PIBF1: variants seen among roughly 807,000 people sequenced by gnomAD.
PIBF1 encodes the protein progesterone immunomodulatory binding factor 1.
Under a neutral mutation model 112.5 loss-of-function variants are expected in PIBF1, and 90 were observed. That is an observed-to-expected ratio of 0.80 (90% CI 0.67 to 0.95). The LOEUF is 0.95. Ranked by LOEUF, PIBF1 falls within the 40% of genes least tolerant of loss-of-function variation. PIBF1 has a pLI of 0.00. For missense variants in PIBF1, 915 were observed against 852.3 expected (o/e 1.07, Z -0.92); for synonymous variants, 301 against 288.6 (o/e 1.04, Z -0.44).
intron 16 of PIBF1, among the ~76,000 whole-genome samples, chr13:72,995,888 G>T (rs1469819203): frequency 6.6e-6 from 1 of 151,268 alleles, no homozygotes; most frequent in Non-Finnish European, 1.5e-5. Context: ...GGCGGAGATT[G>T]CAGTGAGCCG....
At chr13:72,972,724 AT>A (rs1290423625) in intron 15 of PIBF1, among the ~76,000 whole-genome samples, 1 of 152,190 alleles carries the variant, frequency 6.6e-6, no homozygotes, top group African/African-American at 2.4e-5. Context: ...ACCCTCACAA[AT>A]TTTGTCTTTT....
intron 13 of PIBF1, among the ~76,000 whole-genome samples, chr13:72,927,428 C>T (rs139686046): frequency 0.012 from 1,791 of 151,892 alleles, 19 homozygotes; most frequent in Non-Finnish European, 0.019. Context: ...GGCGCGAACC[C>T]GGGAGGCGGA....
chr13:72,980,569 C>CAGAT (rs2043132121), intron 16 of PIBF1, among the ~76,000 whole-genome samples: 1 of 151,770 alleles, frequency 6.6e-6, no homozygotes. Flanking sequence ...CTGAGGCAGA[C>CAGAT]AGATCACTTG....
At chr13:72,868,828 T>TAA (rs56290400) in intron 10 of PIBF1, among the ~76,000 whole-genome samples, 29 of 114,232 alleles carry the variant, frequency 2.5e-4, no homozygotes, top group African/African-American at 7.6e-4. Flanking sequence ...TCCCAAAAAG[T>TAA]AAAAAAAAAA....
chr13:72,976,121 G>A (rs2043015036), intron 16 of PIBF1, among the ~76,000 whole-genome samples: 1 of 152,056 alleles, frequency 6.6e-6, no homozygotes, highest in Admixed American at 6.6e-5. Context: ...AGCAGAGCTG[G>A]GCACAGTGTC....
intron 14 of PIBF1, among the ~76,000 whole-genome samples, chr13:72,962,996 G>T (rs2042645988): frequency 6.6e-6 from 1 of 152,180 alleles, no homozygotes; most frequent in South Asian, 2.1e-4. Flanking sequence ...TATATGGCCA[G>T]TCGTTTTCAA....
intron 2 of PIBF1, among the ~76,000 whole-genome samples, chr13:72,784,082 C>G (rs953570646): frequency 6.6e-6 from 1 of 151,322 alleles, no homozygotes; most frequent in Non-Finnish European, 1.5e-5. Flanking sequence ...GTTAAGTGTT[C>G]TCATTACTAA....
chr13:72,990,852 A>T (rs1227112591), intron 16 of PIBF1, among the ~76,000 whole-genome samples: 2 of 152,218 alleles, frequency 1.3e-5, no homozygotes, highest in Admixed American at 6.5e-5. Flanking sequence ...CATCTCAAAT[A>T]AATTAATTAA....
Position 72,893,081 on chromosome 13 carries a change from C to T in PIBF1, c.1323-703C>T, listed in dbSNP as rs186919271. 1.8e-3 allele frequency among the ~76,000 whole-genome samples: 269 copies of T among 152,154 alleles called. 1 individual carries two copies. The highest frequency in any genetic ancestry group is 2.9e-3 in the Non-Finnish European group (197 of 68,008). On this transcript the variant is annotated intron_variant, in intron 10 of 17. Coordinates refer to ENST00000326291, the MANE Select transcript of PIBF1 (RefSeq NM_006346.4). ...CATTATACTTGGTTCATAATAACTC[C>T]CTGAAAAGATACAGTGTATGTGTAT... is the stretch of plus-strand genomic sequence containing the variant.
chr13:72,972,293 A>G (rs1217574707), intron 15 of PIBF1, among the ~76,000 whole-genome samples: 1 of 152,002 alleles, frequency 6.6e-6, no homozygotes, highest in Non-Finnish European at 1.5e-5. Context: ...CGATCTCCCA[A>G]AGTGCTAGGA....
chr13:72,978,514 C>T (rs1196520489), intron 16 of PIBF1, among the ~76,000 whole-genome samples: 1 of 152,166 alleles, frequency 6.6e-6, no homozygotes, highest in Non-Finnish European at 1.5e-5. Flanking sequence ...AAATTTTTGC[C>T]TCTGGGCGTG....
chr13:72,830,208 A>G (rs1234306929), intron 8 of PIBF1, among the ~76,000 whole-genome samples: 1 of 152,190 alleles, frequency 6.6e-6, no homozygotes, highest in Non-Finnish European at 1.5e-5. Flanking sequence ...ATATACAATC[A>G]TGTCATCAAC....
At chr13:72,829,906 C>T (rs907363414) in intron 8 of PIBF1, among the ~76,000 whole-genome samples, 13 of 152,064 alleles carry the variant, frequency 8.5e-5, no homozygotes, top group African/African-American at 2.4e-4. Flanking sequence ...TCTTCCTATC[C>T]GTGAGCATGG....
chr13:72,809,843 CCTCT>C (rs962078381), intron 5 of PIBF1, among the ~76,000 whole-genome samples: 4 of 152,128 alleles, frequency 2.6e-5, no homozygotes, highest in African/African-American at 2.4e-5. Context: ...CCTGCCCTGG[CCTCT>C]CTAAGTGCTG....
chr13:72,893,705 CAT>C, intron 10 of PIBF1, 77 bp from the exon 11 acceptor site: 6 of 826,490 alleles, frequency 7.3e-6, no homozygotes, highest in Non-Finnish European at 8.8e-6. Context: ...GAGTAGAAAA[CAT>C]AGAAGTAAGG....
chr13:73,006,158 A>T (rs527921537), intron 17 of PIBF1, among the ~76,000 whole-genome samples: 1 of 152,174 alleles, frequency 6.6e-6, no homozygotes, highest in African/African-American at 2.4e-5. Context: ...ACCTCAAGTG[A>T]TCTGCCCACC....
intron 10 of PIBF1, among the ~76,000 whole-genome samples, chr13:72,864,969 A>G (rs2038860807): frequency 6.6e-6 from 1 of 152,166 alleles, no homozygotes; most frequent in South Asian, 2.1e-4. Context: ...CTGCTTCTAA[A>G]TTATACTTCA....
At chr13:72,882,038 A>G (rs1466734559) in intron 10 of PIBF1, among the ~76,000 whole-genome samples, 1 of 152,148 alleles carries the variant, frequency 6.6e-6, no homozygotes, top group Non-Finnish European at 1.5e-5. Flanking sequence ...ACTTCAAAAT[A>G]TACTACAGTG....
At chr13:72,935,677 C>T (rs188112029) in intron 14 of PIBF1, among the ~76,000 whole-genome samples, 38 of 152,242 alleles carry the variant, frequency 2.5e-4, no homozygotes, top group African/African-American at 8.7e-4. Flanking sequence ...ATGAAAGTTC[C>T]AATTTTTCTA....
Sources: allele counts gnomAD v4.1 joint callset (sites outside exome capture counted in the v4.1 genomes callset), GRCh38; gene constraint gnomAD v4.1.1; transcripts MANE v1.5; gene names NCBI Gene and HGNC (gene_info 2026-07-23, HGNC 2026-07-21).